The following A4GALT variants were observed in gnomAD, a reference collection of about 807,000 sequenced individuals.
A4GALT encodes the protein alpha 1,4-galactosyltransferase (P1PK blood group).
For synonymous variants in A4GALT, 257 were observed against 220.7 expected, an observed-to-expected ratio of 1.16 and a Z score of -1.46; for missense variants, 512 against 486.0, an observed-to-expected ratio of 1.05 and a Z score of -0.50.
In A4GALT at chr22:42,692,647, G is replaced by T; in HGVS notation, c.*243C>A. The T allele has an allele frequency of 1.5e-6, 1 of 661,496 alleles. No individual in the cohort carries two copies. The highest frequency in any genetic ancestry group is 2.8e-6 in the Non-Finnish European group (1 of 359,554). 41.0% of individuals were successfully genotyped at this position (661,496 alleles called of 1,614,324 possible). ...TCCTGCCTGTTGTCTAGAAGGCCCG[G>T]GGCACTCACTGAGCGCCCTCCGCTG... On this transcript the variant is annotated 3_prime_UTR_variant, in exon 3 of 3. Coordinates refer to ENST00000642412, the MANE Select transcript of A4GALT (RefSeq NM_017436.7). The surrounding 1 kb of genome is among the most constrained non-coding windows in gnomAD (Gnocchi z 4.6).
intron 1 of A4GALT, among the ~76,000 whole-genome samples, chr22:42,709,935 C>A (rs1031966000): frequency 7.2e-5 from 11 of 151,936 alleles, no homozygotes; most frequent in African/African-American, 2.7e-4. Context: ...AATCATCATC[C>A]CCAGTGACAC....
At chr22:42,707,005 C>A (rs1921206519) in intron 1 of A4GALT, among the ~76,000 whole-genome samples, 1 of 152,018 alleles carries the variant, frequency 6.6e-6, no homozygotes, top group Non-Finnish European at 1.5e-5. Flanking sequence ...ATTACAGATA[C>A]TAGGATAAAT....
intron 1 of A4GALT, among the ~76,000 whole-genome samples, chr22:42,701,243 C>G (rs1931280737): frequency 6.6e-6 from 1 of 152,204 alleles, no homozygotes; most frequent in African/African-American, 2.4e-5. Context: ...CTGGCCCTGC[C>G]ACGTGCCCAC....
At chr22:42,706,789 C>T (rs899732248) in intron 1 of A4GALT, among the ~76,000 whole-genome samples, 4 of 122,496 alleles carry the variant, frequency 3.3e-5, no homozygotes, top group African/African-American at 1.2e-4. Flanking sequence ...AGTGAGACTC[C>T]ATCTCAAAAA....
intron 1 of A4GALT, among the ~76,000 whole-genome samples, chr22:42,696,636 A>G (rs150250090): frequency 2.0e-5 from 3 of 152,028 alleles, no homozygotes; most frequent in African/African-American, 7.2e-5. Context: ...CGCAGCAGGC[A>G]CATGGGAAAA....
intron 2 of A4GALT, chr22:42,694,879 T>C (rs1260710701): frequency 6.6e-6 from 1 of 152,232 alleles, no homozygotes; most frequent in African/African-American, 2.4e-5. Flanking sequence ...CAGGTGACTT[T>C]CTCAGCATCT....
intron 1 of A4GALT, among the ~76,000 whole-genome samples, chr22:42,709,067 A>ATATATTTTTTTTTT (rs1180529043): frequency 0.019 from 2,422 of 128,610 alleles, 43 homozygotes; most frequent in Non-Finnish European, 0.03. Flanking sequence ...ATATATATAT[A>ATATATTTTTTTTTT]TTTTTTTTAA....
intron 1 of A4GALT, among the ~76,000 whole-genome samples, chr22:42,714,374 G>T (rs1921977124): frequency 6.8e-6 from 1 of 147,520 alleles, no homozygotes; most frequent in South Asian, 2.2e-4. Context: ...CATCACTTGA[G>T]CCCAGGAGTC....
intron 1 of A4GALT, among the ~76,000 whole-genome samples, chr22:42,707,985 GGCTCAC>G (rs1921304706): frequency 6.6e-6 from 1 of 151,738 alleles, no homozygotes; most frequent in African/African-American, 2.4e-5. Context: ...TGGGTGCGGT[GGCTCAC>G]GCCTGTAATC....
Position 42,696,351 on chromosome 22 carries a change from C to T in A4GALT, c.-187-720G>A, listed in dbSNP as rs565388969. Among the ~76,000 whole-genome samples, 19 of 148,220 alleles carry T rather than the reference C, an allele frequency of 1.3e-4. No homozygotes were observed. In the South Asian group the frequency reaches 3.0e-3, roughly 23 times the overall value. On this transcript the variant is annotated intron_variant, in intron 1 of 2. Transcript: ENST00000642412. ...AGGAGAATTGCTTGAATCCAGGAGG[C>T]GGAGGTTGCAGTGCGCCGAGATTGC...
intron 2 of A4GALT, chr22:42,694,979 G>C (rs1930822843): frequency 6.6e-6 from 1 of 152,138 alleles, no homozygotes; most frequent in Non-Finnish European, 1.5e-5. Flanking sequence ...TTGAGGCACA[G>C]AAGTGCAGTA....
intron 1 of A4GALT, among the ~76,000 whole-genome samples, chr22:42,698,292 A>G (rs1375141772): frequency 6.6e-6 from 1 of 151,194 alleles, no homozygotes; most frequent in Middle Eastern, 3.4e-3. Flanking sequence ...ATGGAGACAG[A>G]AGGCCAAAGG....
intron 2 of A4GALT, chr22:42,694,674 G>C (rs28915379): frequency 6.6e-6 from 1 of 152,560 alleles, no homozygotes; most frequent in Non-Finnish European, 1.5e-5. Context: ...CCTGCTCCTG[G>C]GGAAAAGACT....
chr22:42,697,194 T>C (rs1930993619), intron 1 of A4GALT, among the ~76,000 whole-genome samples: 1 of 152,114 alleles, frequency 6.6e-6, no homozygotes. Context: ...TAATGAATGA[T>C]CAGTAAATGA....
intron 1 of A4GALT, among the ~76,000 whole-genome samples, chr22:42,717,106 C>A (rs916823642): frequency 6.6e-6 from 1 of 152,100 alleles, no homozygotes; most frequent in Non-Finnish European, 1.5e-5. Context: ...AGGGGGCTCC[C>A]CTAGTCCTGT....
At chr22:42,699,159 C>G (rs1718690743) in intron 1 of A4GALT, among the ~76,000 whole-genome samples, 1 of 151,974 alleles carries the variant, frequency 6.6e-6, no homozygotes, top group African/African-American at 2.4e-5. Context: ...TCTCGGTTCA[C>G]TAAAACCTCT....
At chr22:42,718,009 A>G (rs1922343575) in intron 1 of A4GALT, among the ~76,000 whole-genome samples, 1 of 152,202 alleles carries the variant, frequency 6.6e-6, no homozygotes, top group Admixed American at 6.5e-5. Flanking sequence ...ACTGATTACC[A>G]GGTTAATTCC....
At chr22:42,704,184 TAAG>T (rs941885565) in intron 1 of A4GALT, among the ~76,000 whole-genome samples, 3 of 152,016 alleles carry the variant, frequency 2.0e-5, no homozygotes, top group East Asian at 1.9e-4. Flanking sequence ...GTAATTGGTA[TAAG>T]AAGGACTGTT....
chr22:42,702,111 C>T (rs1030954352), intron 1 of A4GALT, among the ~76,000 whole-genome samples: 2 of 150,290 alleles, frequency 1.3e-5, no homozygotes, highest in African/African-American at 2.5e-5. Flanking sequence ...CTCTCTCTCT[C>T]TTTCTCTCTC....
Sources: allele counts gnomAD v4.1 joint callset (sites outside exome capture counted in the v4.1 genomes callset), GRCh38; gene constraint gnomAD v4.1.1; non-coding constraint Gnocchi (gnomAD v3.1); transcripts MANE v1.5; gene names NCBI Gene and HGNC (gene_info 2026-07-23, HGNC 2026-07-21).